The following SLC12A8 variants were observed in gnomAD, a reference collection of about 807,000 sequenced individuals.
SLC12A8 encodes the protein solute carrier family 12 member 8, also known as cation-chloride cotransporter 9.
Under a neutral mutation model 75.6 loss-of-function variants are expected in SLC12A8, and 69 were observed. The observed-to-expected ratio is 0.91, with a 90% CI of 0.75 to 1.11. The LOEUF (loss-of-function observed/expected upper bound fraction) is 1.11. SLC12A8 is among the 50% of genes most tolerant of loss of function. SLC12A8 has a pLI of 0.00. For missense variants in SLC12A8, 877 were observed against 896.7 expected (o/e 0.98, Z 0.28); for synonymous variants, 365 against 372.8 (o/e 0.98, Z 0.24).
intron 2 of SLC12A8, among the ~76,000 whole-genome samples, chr3:125,199,617 A>T (rs542450299): frequency 6.6e-6 from 1 of 150,992 alleles, no homozygotes; most frequent in African/African-American, 2.4e-5. Context: ...GTGGTGGCAC[A>T]TGCCTGTAGT....
intron 5 of SLC12A8, among the ~76,000 whole-genome samples, chr3:125,165,336 AAAAC>A (rs1218530333): frequency 1.3e-5 from 2 of 152,246 alleles, no homozygotes; most frequent in Non-Finnish European, 2.9e-5. Flanking sequence ...GAGAGGCCAG[AAAAC>A]AAACAGTCAG....
intron 6 of SLC12A8, among the ~76,000 whole-genome samples, chr3:125,121,970 C>A (rs970259383): frequency 6.6e-6 from 1 of 152,100 alleles, no homozygotes; most frequent in Non-Finnish European, 1.5e-5. Flanking sequence ...TTTAGCCCAG[C>A]GTGTTTATAA....
At chr3:125,142,166 G>A (rs1933666116) in intron 5 of SLC12A8, among the ~76,000 whole-genome samples, 1 of 152,220 alleles carries the variant, frequency 6.6e-6, no homozygotes, top group Non-Finnish European at 1.5e-5. Flanking sequence ...CCTGACCCAG[G>A]GGGTCCGCGG....
At chr3:125,113,237 T>C (rs1252863969) in intron 8 of SLC12A8, among the ~76,000 whole-genome samples, 2 of 152,102 alleles carry the variant, frequency 1.3e-5, no homozygotes, top group Admixed American at 6.5e-5. Context: ...TCCAGAGCCC[T>C]AGGAGCTGGG....
chr3:125,162,240 C>T (rs978218777), intron 5 of SLC12A8, among the ~76,000 whole-genome samples: 3 of 152,248 alleles, frequency 2.0e-5, no homozygotes, highest in Admixed American at 1.3e-4. Flanking sequence ...AATTCATTCA[C>T]TTAGCAAACC....
chr3:125,179,060 CAGGTTT>C (rs754209102), intron 4 of SLC12A8, among the ~76,000 whole-genome samples: 2 of 152,178 alleles, frequency 1.3e-5, no homozygotes, highest in Non-Finnish European at 2.9e-5. Context: ...CTTCTCTCCT[CAGGTTT>C]GTCCTTCACT....
intron 2 of SLC12A8, among the ~76,000 whole-genome samples, chr3:125,207,465 T>C (rs1935247846): frequency 6.6e-6 from 1 of 152,196 alleles, no homozygotes; most frequent in Admixed American, 6.5e-5. Flanking sequence ...CCATAAGAAC[T>C]AGGAGATTGC....
intron 5 of SLC12A8, among the ~76,000 whole-genome samples, chr3:125,170,917 A>C (rs1043528746): frequency 6.6e-6 from 1 of 152,248 alleles, no homozygotes. Context: ...TCCGTCTCAA[A>C]CAAAAAAAGA....
At chr3:125,109,705 A>G (rs1286487635) in intron 9 of SLC12A8, among the ~76,000 whole-genome samples, 1 of 152,174 alleles carries the variant, frequency 6.6e-6, no homozygotes, top group Non-Finnish European at 1.5e-5. Context: ...TTGGTTCATG[A>G]TGGTTAACAG....
intron 2 of SLC12A8, among the ~76,000 whole-genome samples, chr3:125,203,063 G>A (rs576720659): frequency 7.1e-4 from 102 of 142,808 alleles, no homozygotes; most frequent in African/African-American, 2.5e-3. Context: ...ACTCTAGCCT[G>A]GGGGACAAGA....
intron 5 of SLC12A8, among the ~76,000 whole-genome samples, chr3:125,173,961 G>A (rs1297553168): frequency 6.7e-6 from 1 of 149,618 alleles, no homozygotes; most frequent in African/African-American, 2.4e-5. Context: ...GCGTGGTGGT[G>A]CATGCCTGTA....
intron 3 of SLC12A8, among the ~76,000 whole-genome samples, chr3:125,189,720 G>T (rs1329266366): frequency 6.6e-6 from 1 of 152,200 alleles, no homozygotes; most frequent in Non-Finnish European, 1.5e-5. Flanking sequence ...CACCTGTGTG[G>T]TCTACTGAAG....
At chr3:125,151,685 A>G (rs746191202) in intron 5 of SLC12A8, 4 of 152,278 alleles carry the variant, frequency 2.6e-5, no homozygotes, top group Non-Finnish European at 5.9e-5. Flanking sequence ...GATGACCACG[A>G]TAACAAGACT....
intron 10 of SLC12A8, among the ~76,000 whole-genome samples, chr3:125,096,568 T>C (rs1938716537): frequency 6.6e-6 from 1 of 152,246 alleles, no homozygotes; most frequent in African/African-American, 2.4e-5. Context: ...GCATTCATCA[T>C]GTGCCTCCAA....
Position 125,107,624 on chromosome 3 carries a change from TCA to T in SLC12A8, c.1560_1561del (p.Asp521GlnfsTer27), listed in dbSNP as rs1269511315. On this transcript the variant is annotated frameshift_variant, in exon 10 of 14. Coordinates refer to ENST00000469902, the MANE Select transcript of SLC12A8 (RefSeq NM_024628.6). LOFTEE classifies it high-confidence loss of function. ...CTCCCAGGAGGCAGCGGGCAACCTG[TCA>T]GAGATCTCGACAGGGAAAGAAGGAG... The T allele has an allele frequency of 6.2e-7, 1 of 1,614,184 alleles. No homozygotes were observed. Among genetic ancestry groups the T allele is most frequent in the Non-Finnish European group, 8.5e-7 (1 of 1,180,026 alleles).
chr3:125,177,655 G>A (rs560962812), intron 5 of SLC12A8, 88 bp downstream of exon 5: 130 of 935,522 alleles, frequency 1.4e-4, no homozygotes, highest in South Asian at 5.0e-4. Context: ...GGGGTTAGGG[G>A]GAGATGGGGT....
chr3:125,117,553 G>A (rs776132467), intron 8 of SLC12A8, among the ~76,000 whole-genome samples: 7 of 152,120 alleles, frequency 4.6e-5, no homozygotes, highest in East Asian at 1.9e-4. Flanking sequence ...CCATGTTCAC[G>A]TCACTGTACT....
chr3:125,086,375 T>A (rs77629218), intron 13 of SLC12A8, among the ~76,000 whole-genome samples: 120 of 152,314 alleles, frequency 7.9e-4, no homozygotes, highest in African/African-American at 2.8e-3. Context: ...TTTCTAAGAA[T>A]AATCTCCCCC....
At chr3:125,190,656 T>C in intron 2 of SLC12A8, 135 bp from the exon 3 acceptor site, 1 of 988,164 alleles carries the variant, frequency 1.0e-6, no homozygotes, top group Non-Finnish European at 1.5e-6. Flanking sequence ...AGGGCAAGTG[T>C]GTGTGTATAC....
Sources: allele counts gnomAD v4.1 joint callset (sites outside exome capture counted in the v4.1 genomes callset), GRCh38; gene constraint gnomAD v4.1.1; transcripts MANE v1.5; gene names NCBI Gene and HGNC (gene_info 2026-07-23, HGNC 2026-07-21).